ZNF556: variants seen among roughly 807,000 people sequenced by gnomAD.
The protein encoded by ZNF556 is zinc finger protein 556.
ZNF556 carries 11 observed loss-of-function variants against 13.6 expected under a neutral mutation model. The observed-to-expected ratio is 0.81, with a 90% CI of 0.51 to 1.33. ZNF556 has a LOEUF of 1.33. Ranked by LOEUF, ZNF556 falls within the 40% of genes most tolerant of loss-of-function variation. The pLI, the probability that ZNF556 is intolerant of heterozygous loss-of-function variation, is 0.00. For missense variants in ZNF556, 633 were observed against 566.2 expected, an observed-to-expected ratio of 1.12 and a Z score of -1.20; for synonymous variants, 229 against 207.8, an observed-to-expected ratio of 1.10 and a Z score of -0.88.
Position 2,878,121 on chromosome 19 carries a change from A to T in ZNF556, c.1163A>T (p.His388Leu). The change falls in exon 4 of 4, where the codon CAT (histidine) becomes CTT (leucine). Residue 388 changes from histidine (H) to leucine (L), a missense_variant. Transcript: ENST00000307635. ...GGTTGGTCCTCATCTTTACACAAAC[A>T]TGAGAGAAAGCACACTGGGGAGAAA... ...TYGWSSSLHKHERKHTGEKPV... is the reference protein window; with the variant it reads ...TYGWSSSLHKLERKHTGEKPV... 4 of 1,614,160 alleles carry T rather than the reference A, an allele frequency of 2.5e-6. No homozygotes were observed. The highest frequency in any genetic ancestry group is 3.4e-6 in the Non-Finnish European group (4 of 1,180,014).
rs35296337 is a variant in ZNF556, at chr19:2,878,015, G to A, written c.1057G>A (p.Ala353Thr). 1.9e-3 allele frequency: 3,125 copies of A among 1,614,046 alleles called. 38 individuals are homozygous for A. In the African/African-American group the frequency reaches 0.03, roughly 16 times the overall value. ...VSGGSVGKSS[A>T]RPRPSTDVKS... is the part of the protein sequence containing the mutation. ...TGGGGGCAGCGTGGGAAAGTCTTCC[G>A]CGAGGCCTCGCCCCTCCACAGATGT... Residue 353 changes from alanine (A) to threonine (T), a missense_variant, in exon 4 of 4, where the codon GCG becomes ACG. By Grantham distance (58) the Ala-to-Thr change is moderately conservative. Transcript: ENST00000307635.
chr19:2,879,971 A>G lies in ZNF556; in HGVS notation c.*1642A>G, dbSNP rs2087892541. On this transcript the variant is annotated 3_prime_UTR_variant, in exon 4 of 4. Coordinates refer to ENST00000307635, the MANE Select transcript of ZNF556 (RefSeq NM_024967.3). Reference sequence around the variant, plus strand: ...CGTGAACCTGGGAGGCGAAGCTTGCAGTGAGCTGGAATCGTGCCACTGTAC... The same window carrying G: ...CGTGAACCTGGGAGGCGAAGCTTGCGGTGAGCTGGAATCGTGCCACTGTAC... 1 of 152,056 alleles carries G rather than the reference A, an allele frequency of 6.6e-6. No homozygotes were observed. The highest frequency in any genetic ancestry group is 2.1e-4 in the South Asian group (1 of 4,820). The allele number at this position is 152,056 out of a possible 1,614,324, so 9.4% of individuals were successfully genotyped here. A position where few individuals can be genotyped will look rare whatever the true frequency, so the allele number is the denominator to read the frequency against.
intron 1 of ZNF556, among the ~76,000 whole-genome samples, chr19:2,870,978 G>T (rs2087798178): frequency 6.6e-6 from 1 of 151,680 alleles, no homozygotes; most frequent in African/African-American, 2.4e-5. Flanking sequence ...GGTGGAGGTT[G>T]CAGTGAGCCG....
rs1488933970 is a variant in ZNF556, at chr19:2,881,260, A to T, written c.*2931A>T. 1 of 152,226 alleles carries T rather than the reference A, an allele frequency of 6.6e-6. No individual in the cohort carries two copies. Among genetic ancestry groups the T allele is most frequent in the Non-Finnish European group, 1.5e-5 (1 of 68,038 alleles). The allele number at this position is 152,226 out of a possible 1,614,324, so 9.4% of individuals were successfully genotyped here. ...AGTCTAGCAAAAGACATAAAAAGAT[A>T]ACTAATAAAACAAGTTTAAACTTTA... is the stretch of plus-strand genomic sequence containing the variant. On this transcript the variant is annotated 3_prime_UTR_variant, in exon 4 of 4. Coordinates refer to ENST00000307635, the MANE Select transcript of ZNF556 (RefSeq NM_024967.3).
chr19:2,877,782 G>A lies in ZNF556; in HGVS notation c.824G>A (p.Arg275Gln), dbSNP rs201679231. ...GCCTTCAGGTGTCAGAAATCCTTTC[G>A]AGTCCATATGATCATGCACGCCGGA... is the stretch of plus-strand genomic sequence containing the variant. ...GKAFRCQKSF[R>Q]VHMIMHAGGR... Residue 275 changes from arginine to glutamine, a missense_variant, in exon 4 of 4, where the codon CGA (arginine) becomes CAA (glutamine). Transcript: ENST00000307635. 64 of 1,613,090 alleles carry A rather than the reference G, an allele frequency of 4.0e-5. No homozygotes were observed. Among genetic ancestry groups the A allele is most frequent in the Middle Eastern group, 1.6e-4 (1 of 6,078 alleles).
Position 2,878,073 on chromosome 19 carries a change from G to T in ZNF556, c.1115G>T (p.Cys372Phe). Residue 372 changes from cysteine to phenylalanine, a missense_variant, in exon 4 of 4, where the codon TGT becomes TTT. Coordinates refer to ENST00000307635, the MANE Select transcript of ZNF556 (RefSeq NM_024967.3). ...CAAACTAGAGAGAAAGTCTATAAAT[G>T]TGAAACGTGTGGGAAAACGTATGGT... ...KSQTREKVYKCETCGKTYGWS... is the reference protein window; with the variant it reads ...KSQTREKVYKFETCGKTYGWS... 7 of 1,614,168 alleles carry T rather than the reference G, an allele frequency of 4.3e-6. No homozygotes were observed. Among genetic ancestry groups the T allele is most frequent in the Non-Finnish European group, 5.9e-6 (7 of 1,180,030 alleles).
intron 1 of ZNF556, among the ~76,000 whole-genome samples, chr19:2,870,855 C>A (rs566172894): frequency 6.6e-6 from 1 of 150,986 alleles, no homozygotes; most frequent in African/African-American, 2.4e-5. Flanking sequence ...CTGGCTAACA[C>A]GGTGAAACCC....
rs992501819 is a variant in ZNF556 at position 2,878,593 on chromosome 19, G to A, written c.*264G>A. 18 of 305,868 alleles carry A rather than the reference G, an allele frequency of 5.9e-5. No individual in the cohort carries two copies. The highest frequency in any genetic ancestry group is 8.0e-5 in the Non-Finnish European group (13 of 162,268). The allele number at this position is 305,868 out of a possible 1,614,324, so 18.9% of individuals were successfully genotyped here. On this transcript the variant is annotated 3_prime_UTR_variant, in exon 4 of 4. Coordinates refer to ENST00000307635, the MANE Select transcript of ZNF556 (RefSeq NM_024967.3). ...CAGGAGGCTGAGGCAGGAGAACGGCGTGAACCCGGGAGGCGGAGCTTGCAG... is the reference window on the plus strand; with the variant it reads ...CAGGAGGCTGAGGCAGGAGAACGGCATGAACCCGGGAGGCGGAGCTTGCAG...
intron 1 of ZNF556, among the ~76,000 whole-genome samples, chr19:2,871,246 G>C (rs1187246703): frequency 6.6e-6 from 1 of 152,120 alleles, no homozygotes. Context: ...CCTGCCATTG[G>C]TGACAGCACT....
chr19:2,870,463 C>T (rs1240980914), intron 1 of ZNF556, among the ~76,000 whole-genome samples: 3 of 150,980 alleles, frequency 2.0e-5, no homozygotes, highest in African/African-American at 7.3e-5. Flanking sequence ...AAAAAATTTT[C>T]TGGCCAGGCA....
Position 2,877,378 on chromosome 19 carries a change from T to C in ZNF556, c.420T>C (p.Cys140=), listed in dbSNP as rs1222688073. ...RNCNRHLRKN[C]CTSVRRYECS... ...GTAATCGTCATCTGCGCAAGAATTG[T>C]TGTACTAGTGTAAGACGGTACGAAT... The change falls in exon 4 of 4, where the codon TGT becomes TGC. Residue 140 remains cysteine, a synonymous_variant. Transcript: ENST00000307635. 7 of 1,614,056 alleles carry C rather than the reference T, an allele frequency of 4.3e-6. No individual in the cohort carries two copies. Among genetic ancestry groups the C allele is most frequent in the Non-Finnish European group, 5.9e-6 (7 of 1,180,052 alleles).
At chr19:2,873,766 C>A in intron 2 of ZNF556, 144 bp downstream of exon 2, 2 of 941,144 alleles carry the variant, frequency 2.1e-6, no homozygotes, top group Non-Finnish European at 3.1e-6. Context: ...CCAGCCTGGG[C>A]AACATAGTGA....
intron 1 of ZNF556, among the ~76,000 whole-genome samples, chr19:2,868,699 C>T (rs1166500760): frequency 1.4e-5 from 2 of 139,812 alleles, no homozygotes; most frequent in African/African-American, 5.4e-5. Context: ...TTACAGGCAG[C>T]ATGTGCCACC....
At position 2,877,862 on chromosome 19, in the gene ZNF556, T is replaced by G. The variant is rs780588695; in HGVS notation, c.904T>G (p.Phe302Val). ...CGKAYCWATS[F>V]QRHVRIHNGE... is the part of the protein sequence containing the mutation. Reference sequence around the variant, plus strand: ...GAAAGCCTACTGCTGGGCAACATCCTTTCAACGACACGTGAGAATTCACAA... The same window carrying G: ...GAAAGCCTACTGCTGGGCAACATCCGTTCAACGACACGTGAGAATTCACAA... The change falls in exon 4 of 4, where the codon TTT (phenylalanine) becomes GTT (valine). Residue 302 changes from phenylalanine (F) to valine (V), a missense_variant. Physicochemically the swap from Phe to Val is conservative, Grantham distance 50. Transcript: ENST00000307635. 6.2e-7 allele frequency: 1 copy of G among 1,614,092 alleles called. No homozygotes were observed. Among genetic ancestry groups the G allele is most frequent in the African/African-American group, 1.3e-5 (1 of 74,934 alleles).
In ZNF556 at chr19:2,877,763, A is replaced by T; in HGVS notation, c.805A>T (p.Arg269Trp). 1 of 1,612,994 alleles carries T rather than the reference A, an allele frequency of 6.2e-7. No individual in the cohort carries two copies. The highest frequency in any genetic ancestry group is 8.5e-7 in the Non-Finnish European group (1 of 1,179,552). ...YECKHCGKAF[R>W]CQKSFRVHMI... ...GTGCAAGCACTGTGGGAAAGCCTTC[A>T]GGTGTCAGAAATCCTTTCGAGTCCA... Residue 269 changes from arginine to tryptophan, a missense_variant, in exon 4 of 4, where the codon AGG becomes TGG. Transcript: ENST00000307635.
At chr19:2,874,912 AC>A (rs2144888924) in intron 2 of ZNF556, 1 of 128,810 alleles carries the variant, frequency 7.8e-6, no homozygotes, top group South Asian at 2.2e-4. Flanking sequence ...GACTGCTTGT[AC>A]TTTTTTTTTT....
chr19:2,867,498 G>A, intron 1 of ZNF556, 74 bp downstream of exon 1: 1 of 1,556,424 alleles, frequency 6.4e-7, no homozygotes, highest in East Asian at 2.4e-5. Context: ...AGAACACGCT[G>A]AAACTCCCGG....
chr19:2,871,472 T>A (rs1194167752), intron 1 of ZNF556, among the ~76,000 whole-genome samples: 1 of 152,138 alleles, frequency 6.6e-6, no homozygotes, highest in Non-Finnish European at 1.5e-5. Flanking sequence ...ATTCTCTACA[T>A]CCAGTGTCCA....
rs1599584571 is a variant in ZNF556, at chr19:2,878,893, T to C, written c.*564T>C. ...TTTTCTTATAAATTACTAATGTTTC[T>C]CTTTTCATTTAGAAGTGTATTGCAC... On this transcript the variant is annotated 3_prime_UTR_variant, in exon 4 of 4. Coordinates refer to ENST00000307635, the MANE Select transcript of ZNF556 (RefSeq NM_024967.3). The C allele has an allele frequency of 6.6e-6, 1 of 152,634 alleles. No homozygotes were observed. Among genetic ancestry groups the C allele is most frequent in the Middle Eastern group, 3.4e-3 (1 of 294 alleles). The allele number at this position is 152,634 out of a possible 1,614,324, so 9.5% of individuals were successfully genotyped here.
Sources: gnomAD v4.1 joint callset for allele counts (sites outside exome capture counted in the v4.1 genomes callset) on GRCh38, gnomAD v4.1.1 for gene constraint, MANE v1.5 for transcripts, NCBI Gene and HGNC (gene_info 2026-07-23, HGNC 2026-07-21) for gene names.